TTN: variants seen among roughly 807,000 people sequenced by gnomAD.
The protein encoded by TTN is connectin.
Under a neutral mutation model 3,223.0 loss-of-function variants are expected in TTN, and 1,525 were observed. The ratio of observed to expected loss-of-function variants is 0.47; its 90% CI spans 0.45 to 0.49. The LOEUF is 0.49. TTN is among the 20% of genes least tolerant of loss of function. The pLI is 0.00. For synonymous variants in TTN, 14,094 were observed against 15,161.0 expected, an observed-to-expected ratio of 0.93 and a Z score of 5.17; for missense variants, 40,786 against 43,424.0, an observed-to-expected ratio of 0.94 and a Z score of 5.40.
chr2:178,572,252 T>C lies in TTN; in HGVS notation c.73880A>G (p.Asp24627Gly). Residue 24627 changes from aspartate (D) to glycine (G), a missense_variant, in exon 326 of 363, where the codon GAT becomes GGT. By Grantham distance (94) the Asp-to-Gly change is moderately conservative. Transcript: ENST00000589042. Reference sequence around the variant, plus strand: ...GAGTGACACACTATTTCTTGTGACATCCATCAAAGTTATTTTTCCTGGAGG... The same window carrying C: ...GAGTGACACACTATTTCTTGTGACACCCATCAAAGTTATTTTTCCTGGAGG... ...PLPPGKITLM[D>G]VTRNSVSLSW... 6.2e-7 allele frequency: 1 copy of C among 1,613,320 alleles called. No homozygotes were observed. Among genetic ancestry groups the C allele is most frequent in the Non-Finnish European group, 8.5e-7 (1 of 1,179,570 alleles).
chr2:178,593,146 A>G, intron 299 of TTN, 27 bp downstream of exon 299: 1 of 1,610,888 alleles, frequency 6.2e-7, no homozygotes, highest in South Asian at 1.1e-5. Context: ...ATAACATGAA[A>G]ACTGAATAAA....
rs1398027734 is a variant in TTN at position 178,694,621 on chromosome 2, C to T, written c.31404G>A (p.Gln10468=). Reference sequence around the variant, plus strand: ...TACCTTTCACTTCAATAACTTCTTCCTGTACTGGAGTCCGGGAAGGTTTTT... The same window carrying T: ...TACCTTTCACTTCAATAACTTCTTCTTGTACTGGAGTCCGGGAAGGTTTTT... ...VPQKPSRTPV[Q]EEVIEVKVPA... Residue 10468 remains glutamine, a synonymous_variant, in exon 117 of 363, where the codon CAG becomes CAA. Coordinates refer to ENST00000589042, the MANE Select transcript of TTN (RefSeq NM_001267550.2). 1 of 1,559,198 alleles carries T rather than the reference C, an allele frequency of 6.4e-7. No homozygotes were observed. Among genetic ancestry groups the T allele is most frequent in the East Asian group, 2.4e-5 (1 of 42,290 alleles).
At chr2:178,684,163 C>T in intron 132 of TTN, 81 bp from the exon 133 acceptor site, 1 of 1,462,320 alleles carries the variant, frequency 6.8e-7, no homozygotes, top group Non-Finnish European at 9.4e-7. Context: ...GTAGCCCAAA[C>T]ATAAACACTT....
chr2:178,579,454 ATAGTTC>A, intron 319 of TTN, 61 bp from the exon 320 acceptor site: 4 of 1,561,952 alleles, frequency 2.6e-6, no homozygotes, highest in Non-Finnish European at 3.4e-6. Flanking sequence ...ACTTTTTCAA[ATAGTTC>A]TAGCTTTTAA....
In TTN at chr2:178,649,340, A is replaced by G. The variant is rs565908157; in HGVS notation, c.39974-9T>C. 3 of 1,432,446 alleles carry G rather than the reference A, an allele frequency of 2.1e-6. No individual in the cohort carries two copies. Among genetic ancestry groups the G allele is most frequent in the African/African-American group, 1.5e-5 (1 of 68,290 alleles). 88.7% of individuals were successfully genotyped at this position (1,432,446 alleles called of 1,614,324 possible). A position where few individuals can be genotyped will look rare whatever the true frequency, so the allele number is the denominator to read the frequency against. ...CTTGGGCACCTCAGGCACTTTGAAGATATTAGTTTTGTTTTAAAAATAGTA... is the reference window on the plus strand; with the variant it reads ...CTTGGGCACCTCAGGCACTTTGAAGGTATTAGTTTTGTTTTAAAAATAGTA... On this transcript the variant is annotated splice_polypyrimidine_tract_variant and intron_variant, in intron 212 of 362. Transcript: ENST00000589042.
chr2:178,679,272 G>T, intron 142 of TTN, 67 bp downstream of exon 142: 1 of 1,526,120 alleles, frequency 6.6e-7, no homozygotes, highest in Non-Finnish European at 9.1e-7. Context: ...GATCTGCTAT[G>T]GCTCACCAAG....
chr2:178,778,162 C>T, intron 24 of TTN, 187 bp from the exon 25 acceptor site: 1 of 762,152 alleles, frequency 1.3e-6, no homozygotes, highest in Non-Finnish European at 2.1e-6. Context: ...CTATGTTTTT[C>T]CTATATTCTC....
intron 311 of TTN, 43 bp from the exon 312 acceptor site, chr2:178,583,949 GA>G: frequency 6.8e-7 from 1 of 1,460,076 alleles, no homozygotes; most frequent in South Asian, 1.5e-5. Context: ...CTTACCAGCA[GA>G]AGTTTAAACT....
chr2:178,764,823 T>C lies in TTN; in HGVS notation c.9704-12A>G. 1 of 1,612,172 alleles carries C rather than the reference T, an allele frequency of 6.2e-7. No homozygotes were observed. Among genetic ancestry groups the C allele is most frequent in the South Asian group, 1.1e-5 (1 of 90,996 alleles). On this transcript the variant is annotated splice_polypyrimidine_tract_variant and intron_variant, in intron 41 of 362. Coordinates refer to ENST00000589042, the MANE Select transcript of TTN (RefSeq NM_001267550.2). ...GGGCGGTTCAGGAGCTAGGAGTAAATGTTGACAAATAGCCCATGAAAAAGT... is the reference window on the plus strand; with the variant it reads ...GGGCGGTTCAGGAGCTAGGAGTAAACGTTGACAAATAGCCCATGAAAAAGT...
chr2:178,738,418 GTT>G, intron 48 of TTN, 58 bp from the exon 49 acceptor site: 1 of 1,516,884 alleles, frequency 6.6e-7, no homozygotes, highest in South Asian at 1.4e-5. Context: ...TGACATTTTT[GTT>G]TTTCTTCTAA....
chr2:178,536,808 T>G (rs564541139), intron 356 of TTN, 130 bp downstream of exon 356: 5 of 915,774 alleles, frequency 5.5e-6, no homozygotes, highest in Non-Finnish European at 6.4e-6. Context: ...TCAATTAAAG[T>G]GAAAGAAAAG....
chr2:178,766,764 C>T, intron 40 of TTN, 152 bp from the exon 41 acceptor site: 1 of 662,656 alleles, frequency 1.5e-6, no homozygotes, highest in Non-Finnish European at 2.6e-6. Flanking sequence ...ATAGCACTCT[C>T]TAATTTTTCC....
chr2:178,764,686 G>C lies in TTN; in HGVS notation c.9829C>G (p.Gln3277Glu). The C allele has an allele frequency of 6.2e-7, 1 of 1,614,156 alleles. No homozygotes were observed. The highest frequency in any genetic ancestry group is 8.5e-7 in the Non-Finnish European group (1 of 1,180,004). The change falls in exon 42 of 363, where the codon CAG becomes GAG. Residue 3277 changes from glutamine (Q) to glutamate (E), a missense_variant. Gln to Glu is a conservative substitution (Grantham distance 29). Coordinates refer to ENST00000589042, the MANE Select transcript of TTN (RefSeq NM_001267550.2). ...QPKISWYKEEQLLSTGFKCKF... is the reference protein window; with the variant it reads ...QPKISWYKEEELLSTGFKCKF... ...CACTTGAAGCCAGTGGAAAGCAGCTGCTCTTCCTTGTACCAGGAAATTTTG... is the reference window on the plus strand; with the variant it reads ...CACTTGAAGCCAGTGGAAAGCAGCTCCTCTTCCTTGTACCAGGAAATTTTG...
Position 178,724,054 on chromosome 2 carries a change from C to T in TTN, c.21205G>A (p.Gly7069Arg). The part of the protein sequence containing the change: ...ASCILECKVA[G>R]SSPISVAWFH... ...CAGGCAACTGAAATAGGTGATGATC[C>T]AGCTACTTTGCATTCCAAGATGCAA... is the stretch of plus-strand genomic sequence containing the variant. Residue 7069 changes from glycine (G) to arginine (R), a missense_variant, in exon 73 of 363, where the codon GGA (glycine) becomes AGA (arginine). Physicochemically the swap from Gly to Arg is moderately radical, Grantham distance 125. Transcript: ENST00000589042. The T allele has an allele frequency of 1.2e-6, 2 of 1,613,484 alleles. No individual in the cohort carries two copies. Among genetic ancestry groups the T allele is most frequent in the East Asian group, 2.2e-5 (1 of 44,808 alleles).
chr2:178,634,817 G>A lies in TTN; in HGVS notation c.42057C>T (p.Arg14019=). 1.9e-6 allele frequency: 3 copies of A among 1,612,388 alleles called. No individual in the cohort carries two copies. Among genetic ancestry groups the A allele is most frequent in the Middle Eastern group, 1.7e-4 (1 of 6,050 alleles). ...TCEIKAEGGK[R]FLTLHKVKLD... ...GTTTGACTTTGTGCAAAGTTAAGAA[G>A]CGTTTTCCACCTTCTGCTTTGATTT... The change falls in exon 229 of 363, where the codon CGC becomes CGT. Residue 14019 remains arginine (R), a synonymous_variant. Coordinates refer to ENST00000589042, the MANE Select transcript of TTN (RefSeq NM_001267550.2). This position sits in a 1 kb window ranked among gnomAD's most constrained non-coding sequence, Gnocchi z 4.6.
chr2:178,751,406 G>A, intron 47 of TTN: 1 of 1,608,972 alleles, frequency 6.2e-7, no homozygotes, highest in South Asian at 1.1e-5. Flanking sequence ...TGTTTTCTTG[G>A]CAGAACTCAT....
In TTN at chr2:178,720,088, T is replaced by TTG; in HGVS notation, c.23552_23553dup (p.Thr7852GlnfsTer26). The stretch of plus-strand genomic sequence containing the variant: ...GCTTCTGGACTCCCCAGCTGGAGGG[T>TTG]TGCAATGTTATCAATGAATGAAATC... On this transcript the variant is annotated frameshift_variant, in exon 81 of 363. Transcript: ENST00000589042. LOFTEE classifies it high-confidence loss of function. The TTG allele has an allele frequency of 6.2e-7, 1 of 1,613,684 alleles. No individual in the cohort carries two copies.
chr2:178,751,643 T>C (rs549150786), intron 47 of TTN: 3 of 1,613,416 alleles, frequency 1.9e-6, no homozygotes, highest in Admixed American at 3.3e-5. Context: ...TGCAGACCCT[T>C]CACTATTAAT....
At chr2:178,737,812 T>C in intron 49 of TTN, 1 of 335,152 alleles carries the variant, frequency 3.0e-6, no homozygotes. Context: ...CTGATATGTT[T>C]TATATGAAGG....
Sources: allele counts gnomAD v4.1 joint callset, GRCh38; gene constraint gnomAD v4.1.1; non-coding constraint Gnocchi (gnomAD v3.1); transcripts MANE v1.5; gene names NCBI Gene and HGNC (gene_info 2026-07-23, HGNC 2026-07-21).